MACROH2A1: variants seen among roughly 807,000 people sequenced by gnomAD.
MACROH2A1 encodes core histone macro-H2A.1.
MACROH2A1 carries 2 observed loss-of-function variants against 31.6 expected under a neutral mutation model. The ratio of observed to expected loss-of-function variants is 0.06; its 90% CI spans 0.03 to 0.20. The LOEUF is 0.20. MACROH2A1 is among the 10% of genes least tolerant of loss of function. The pLI, the probability that MACROH2A1 is intolerant of heterozygous loss-of-function variation, is 1.00. For synonymous variants in MACROH2A1, 169 were observed against 189.6 expected, an observed-to-expected ratio of 0.89 and a Z score of 0.89; for missense variants, 230 against 474.0, an observed-to-expected ratio of 0.49 and a Z score of 4.78.
chr5:135,341,285 C>T (rs1157088410), intron 8 of MACROH2A1, among the ~76,000 whole-genome samples: 1 of 152,198 alleles, frequency 6.6e-6, no homozygotes, highest in Non-Finnish European at 1.5e-5. Flanking sequence ...GATAGGAGAG[C>T]TGAGGGGCCT....
intron 6 of MACROH2A1, chr5:135,350,861 T>A (rs1761442007): frequency 1.2e-6 from 2 of 1,613,402 alleles, no homozygotes; most frequent in African/African-American, 2.7e-5. Flanking sequence ...GTTTGTCGGG[T>A]GAACGACAGC....
intron 2 of MACROH2A1, among the ~76,000 whole-genome samples, chr5:135,377,506 G>A (rs779408408): frequency 7.2e-5 from 11 of 152,216 alleles, no homozygotes; most frequent in South Asian, 2.1e-4. Flanking sequence ...GACTCAAAGC[G>A]AAAGAGCGAG....
intron 2 of MACROH2A1, among the ~76,000 whole-genome samples, chr5:135,385,717 G>C (rs553771045): frequency 2.0e-5 from 3 of 152,294 alleles, no homozygotes; most frequent in East Asian, 3.9e-4. Flanking sequence ...CCTCTCCAGG[G>C]CTCAGCTGAT....
At chr5:135,374,848 G>A (rs1157428007) in intron 2 of MACROH2A1, among the ~76,000 whole-genome samples, 1 of 152,154 alleles carries the variant, frequency 6.6e-6, no homozygotes, top group Non-Finnish European at 1.5e-5. Context: ...AAAATAAATG[G>A]AATCCATAAG....
At chr5:135,385,985 T>C (rs1766353209) in intron 2 of MACROH2A1, among the ~76,000 whole-genome samples, 2 of 152,082 alleles carry the variant, frequency 1.3e-5, no homozygotes, top group South Asian at 4.1e-4. Context: ...AAAAGGCCTT[T>C]AGGGAAACAA....
intron 2 of MACROH2A1, among the ~76,000 whole-genome samples, chr5:135,383,675 G>A (rs1765956632): frequency 6.7e-6 from 1 of 149,432 alleles, no homozygotes; most frequent in African/African-American, 2.5e-5. Context: ...ATTCTTAATT[G>A]TCCCTTTCCT....
intron 4 of MACROH2A1, among the ~76,000 whole-genome samples, chr5:135,366,764 A>C (rs937344003): frequency 6.6e-6 from 1 of 152,192 alleles, no homozygotes; most frequent in Non-Finnish European, 1.5e-5. Context: ...CCAAACTCAT[A>C]CATGTGCCCT....
At chr5:135,347,407 G>A (rs917341884) in intron 6 of MACROH2A1, 1 of 152,258 alleles carries the variant, frequency 6.6e-6, no homozygotes, top group African/African-American at 2.4e-5. Flanking sequence ...GCCCAGGGGA[G>A]CTCTCAGCTG....
At chr5:135,389,342 A>G (rs1766880924) in intron 1 of MACROH2A1, 1 of 360,730 alleles carries the variant, frequency 2.8e-6, no homozygotes, top group Non-Finnish European at 5.0e-6. Flanking sequence ...CATGACATCA[A>G]TTTTACTTAA....
At chr5:135,350,468 T>C (rs1761388092) in intron 6 of MACROH2A1, among the ~76,000 whole-genome samples, 1 of 152,106 alleles carries the variant, frequency 6.6e-6, no homozygotes, top group South Asian at 2.1e-4. Context: ...TGCATGGAGA[T>C]GGTCTTGGTT....
At chr5:135,349,643 A>G (rs558256651) in intron 6 of MACROH2A1, among the ~76,000 whole-genome samples, 9 of 152,226 alleles carry the variant, frequency 5.9e-5, no homozygotes, top group Non-Finnish European at 8.8e-5. Context: ...CGCTTGTGAA[A>G]ATCCTGATCT....
chr5:135,337,507 C>G (rs979878365), intron 8 of MACROH2A1, among the ~76,000 whole-genome samples: 1 of 152,270 alleles, frequency 6.6e-6, no homozygotes, highest in African/African-American at 2.4e-5. Context: ...GCCTTGGACC[C>G]TTACAAAAGA....
chr5:135,337,352 G>A (rs1438123930), intron 8 of MACROH2A1, among the ~76,000 whole-genome samples: 2 of 138,776 alleles, frequency 1.4e-5, no homozygotes, highest in Non-Finnish European at 3.0e-5. Flanking sequence ...CAGACACAGT[G>A]TAGCCTGGCC....
chr5:135,359,859 C>CTTTG, intron 5 of MACROH2A1: 1 of 981,494 alleles, frequency 1.0e-6, no homozygotes, highest in Non-Finnish European at 1.2e-6. Context: ...TCTTAAAAGC[C>CTTTG]TTTGCATCAT....
rs1763890146 is a variant in MACROH2A1, at chr5:135,369,242, T to C, written c.477+164A>G. On this transcript the variant is annotated intron_variant, in intron 4 of 8. Coordinates refer to ENST00000511689, the MANE Select transcript of MACROH2A1 (RefSeq NM_138610.3). This position sits in a 1 kb window ranked among gnomAD's most constrained non-coding sequence, Gnocchi z 4.3. Reference sequence around the variant, plus strand: ...AGGGCCTCCTGACTCTGGCTACTTGTGTTGGACTAGCCCCTCTGGAGAGTA... The same window carrying C: ...AGGGCCTCCTGACTCTGGCTACTTGCGTTGGACTAGCCCCTCTGGAGAGTA... The C allele has an allele frequency of 5.8e-6, 4 of 694,978 alleles. No individual in the cohort carries two copies. The South Asian group carries it at 7.0e-5, about 12-fold the overall frequency. The allele number at this position is 694,978 out of a possible 1,614,324, so 43.1% of individuals were successfully genotyped here.
intron 4 of MACROH2A1, among the ~76,000 whole-genome samples, chr5:135,365,554 C>A (rs1327078924): frequency 6.6e-6 from 1 of 152,190 alleles, no homozygotes; most frequent in Non-Finnish European, 1.5e-5. Context: ...AAGGCAGGGA[C>A]TTTGTTCTCT....
intron 6 of MACROH2A1, among the ~76,000 whole-genome samples, chr5:135,352,118 G>A (rs192160542): frequency 6.6e-6 from 1 of 152,290 alleles, no homozygotes; most frequent in Non-Finnish European, 1.5e-5. Flanking sequence ...GAGCTCAAGG[G>A]ATACAAAATA....
At chr5:135,350,099 G>T (rs932912908) in intron 6 of MACROH2A1, among the ~76,000 whole-genome samples, 1 of 152,154 alleles carries the variant, frequency 6.6e-6, no homozygotes, top group Non-Finnish European at 1.5e-5. Flanking sequence ...GCAGCCTCAG[G>T]ATATGGCATC....
At chr5:135,340,754 C>CTGTT (rs1759693739) in intron 8 of MACROH2A1, among the ~76,000 whole-genome samples, 1 of 152,220 alleles carries the variant, frequency 6.6e-6, no homozygotes, top group African/African-American at 2.4e-5. Context: ...AACAAACAAG[C>CTGTT]TGTTTTATTT....
Sources: allele counts gnomAD v4.1 joint callset (sites outside exome capture counted in the v4.1 genomes callset), GRCh38; gene constraint gnomAD v4.1.1; non-coding constraint Gnocchi (gnomAD v3.1); transcripts MANE v1.5; gene names NCBI Gene and HGNC (gene_info 2026-07-23, HGNC 2026-07-21).